BTBD9: variants seen among roughly 807,000 people sequenced by gnomAD.
BTBD9 encodes the protein BTB/POZ domain-containing protein 9.
Under a neutral mutation model 64.3 loss-of-function variants are expected in BTBD9, and 49 were observed. The ratio of observed to expected loss-of-function variants is 0.76; its 90% confidence interval spans 0.61 to 0.97. The LOEUF is 0.97. BTBD9 is among the 50% of genes least tolerant of loss of function. The pLI is 0.00. For missense variants in BTBD9, 598 were observed against 762.1 expected (o/e 0.78, Z 2.53); for synonymous variants, 260 against 274.7 (o/e 0.95, Z 0.53).
At chr6:38,279,134 G>C (rs534530628) in intron 8 of BTBD9, among the ~76,000 whole-genome samples, 1 of 146,078 alleles carries the variant, frequency 6.8e-6, no homozygotes, top group African/African-American at 2.6e-5. Flanking sequence ...TGCAGAAATG[G>C]AGGTAGACAG....
At chr6:38,584,752 T>A (rs144887993) in intron 4 of BTBD9, among the ~76,000 whole-genome samples, 1 of 152,266 alleles carries the variant, frequency 6.6e-6, no homozygotes, top group African/African-American at 2.4e-5. Context: ...TTCCTGTGAA[T>A]AATCCCCAAG....
chr6:38,476,174 C>T (rs577449358), intron 6 of BTBD9, among the ~76,000 whole-genome samples: 5 of 152,188 alleles, frequency 3.3e-5, no homozygotes, highest in East Asian at 1.9e-4. Context: ...AACGGTTAGA[C>T]ACTTTAAAAA....
chr6:38,286,910 C>T (rs1454305717), intron 8 of BTBD9, among the ~76,000 whole-genome samples: 1 of 151,548 alleles, frequency 6.6e-6, no homozygotes, highest in Admixed American at 6.6e-5. Context: ...GATGAAACCC[C>T]ATCTCTACTA....
At chr6:38,488,622 G>C (rs1232805245) in intron 6 of BTBD9, among the ~76,000 whole-genome samples, 1 of 152,106 alleles carries the variant, frequency 6.6e-6, no homozygotes, top group Non-Finnish European at 1.5e-5. Flanking sequence ...ACCAAGGTGT[G>C]GTGGACAGCT....
intron 8 of BTBD9, among the ~76,000 whole-genome samples, chr6:38,269,745 G>A (rs1765135622): frequency 6.6e-6 from 1 of 152,190 alleles, no homozygotes; most frequent in Admixed American, 6.5e-5. Flanking sequence ...CTGCAGAGTA[G>A]CTTCCCTTCT....
chr6:38,330,798 G>A, intron 7 of BTBD9, among the ~76,000 whole-genome samples: 1 of 152,048 alleles, frequency 6.6e-6, no homozygotes, highest in East Asian at 1.9e-4. Flanking sequence ...AATAAAATAA[G>A]CAAGAAAGAA....
chr6:38,335,856 C>A (rs1195133552), intron 7 of BTBD9, among the ~76,000 whole-genome samples: 1 of 152,174 alleles, frequency 6.6e-6, no homozygotes, highest in Non-Finnish European at 1.5e-5. Context: ...GCCTTAGCCT[C>A]CCGAGTAGCT....
intron 9 of BTBD9, among the ~76,000 whole-genome samples, chr6:38,194,737 A>G (rs142446966): frequency 7.1e-4 from 108 of 151,950 alleles, no homozygotes; most frequent in African/African-American, 2.5e-3. Context: ...GCTGGCCTGA[A>G]CCTGGGTCTC....
chr6:38,596,750 G>A (rs184223114), intron 2 of BTBD9, among the ~76,000 whole-genome samples: 2,346 of 147,542 alleles, frequency 0.016, 42 homozygotes, highest in African/African-American at 0.055. Flanking sequence ...GCAGTGAGCC[G>A]AGATCGCGCC....
At chr6:38,235,220 G>A (rs1442805200) in intron 9 of BTBD9, among the ~76,000 whole-genome samples, 1 of 152,214 alleles carries the variant, frequency 6.6e-6, no homozygotes, top group Admixed American at 6.5e-5. Flanking sequence ...GTAGGTACTT[G>A]ATAAAAAGGG....
chr6:38,522,860 T>G (rs1202652548), intron 6 of BTBD9, among the ~76,000 whole-genome samples: 1 of 152,022 alleles, frequency 6.6e-6, no homozygotes. Context: ...GTGGGGAGAC[T>G]GCATACTAGG....
chr6:38,607,996 T>G (rs1351428367), intron 1 of BTBD9, among the ~76,000 whole-genome samples: 1 of 152,158 alleles, frequency 6.6e-6, no homozygotes, highest in Non-Finnish European at 1.5e-5. Flanking sequence ...CTTCTTCCTC[T>G]TCCTTCCCTT....
At chr6:38,312,789 T>C (rs1762884742) in intron 7 of BTBD9, among the ~76,000 whole-genome samples, 1 of 152,250 alleles carries the variant, frequency 6.6e-6, no homozygotes, top group Non-Finnish European at 1.5e-5. Context: ...GCCAGCACCA[T>C]CCTCTTTTGG....
At chr6:38,531,696 G>A (rs1022612352) in intron 6 of BTBD9, among the ~76,000 whole-genome samples, 1 of 152,138 alleles carries the variant, frequency 6.6e-6, no homozygotes, top group Non-Finnish European at 1.5e-5. Context: ...TAAAAAAGCA[G>A]GGAGGTAAAA....
At chr6:38,467,599 C>T (rs78928569) in intron 6 of BTBD9, among the ~76,000 whole-genome samples, 222 of 152,312 alleles carry the variant, frequency 1.5e-3, no homozygotes, top group Non-Finnish European at 2.5e-3. Context: ...AGGTGATCTA[C>T]GCCATGCACC....
intron 6 of BTBD9, among the ~76,000 whole-genome samples, chr6:38,450,943 G>A (rs1769512289): frequency 6.6e-6 from 1 of 152,114 alleles, no homozygotes; most frequent in South Asian, 2.1e-4. Context: ...TGTCCAAATA[G>A]TTTCCCTGCT....
intron 1 of BTBD9, among the ~76,000 whole-genome samples, chr6:38,622,022 A>T (rs1438409300): frequency 6.6e-6 from 1 of 152,162 alleles, no homozygotes; most frequent in Non-Finnish European, 1.5e-5. Flanking sequence ...AGGTACTCAT[A>T]CCCGAAGCCA....
chr6:38,311,198 A>AT (rs113937215), intron 7 of BTBD9, among the ~76,000 whole-genome samples: 11,555 of 141,278 alleles, frequency 0.082, 1,071 homozygotes, highest in East Asian at 0.4. Flanking sequence ...TATTCATCCT[A>AT]TTTTTTTTTT....
intron 6 of BTBD9, among the ~76,000 whole-genome samples, chr6:38,542,884 C>T (rs1195445377): frequency 6.6e-6 from 1 of 152,148 alleles, no homozygotes; most frequent in African/African-American, 2.4e-5. Flanking sequence ...TACTACCTGG[C>T]CACTGAAAGC....
Sources: gnomAD v4.1 joint callset for allele counts (sites outside exome capture counted in the v4.1 genomes callset) on GRCh38, gnomAD v4.1.1 for gene constraint, MANE v1.5 for transcripts, NCBI Gene and HGNC (gene_info 2026-07-23, HGNC 2026-07-21) for gene names.